METTL15: variants seen among roughly 807,000 people sequenced by gnomAD.
METTL15 encodes methyltransferase 15, mitochondrial 12S rRNA N4-cytidine.
Under a neutral mutation model 38.3 loss-of-function variants are expected in METTL15, and 34 were observed. The observed-to-expected ratio is 0.89, with a 90% confidence interval of 0.68 to 1.18. The LOEUF (loss-of-function observed/expected upper bound fraction) is 1.18, where lower values mean the gene tolerates loss of function less well. Among genes scored for constraint, METTL15 ranks in the 50% most tolerant of loss-of-function variants. The probability of loss-of-function intolerance (pLI) is 0.00; values close to 1 mark genes in which losing one functional copy is unlikely to be tolerated. For missense variants in METTL15, 438 were observed against 498.4 expected, an observed-to-expected ratio of 0.88 and a Z score of 1.15; for synonymous variants, 162 against 170.9, an observed-to-expected ratio of 0.95 and a Z score of 0.41.
intron 5 of METTL15, among the ~76,000 whole-genome samples, chr11:28,387,733 A>G (rs1850455187): frequency 6.6e-6 from 1 of 152,136 alleles, no homozygotes; most frequent in Non-Finnish European, 1.5e-5. Flanking sequence ...TCAGACAAAG[A>G]TGCTGTAAGA....
chr11:28,265,257 G>A (rs190424762), intron 4 of METTL15, among the ~76,000 whole-genome samples: 177 of 151,098 alleles, frequency 1.2e-3, no homozygotes, highest in African/African-American at 2.2e-3. Context: ...CACTTCTCCC[G>A]CCCTTTCTGC....
chr11:28,421,963 C>T (rs1850824631), intron 5 of METTL15, among the ~76,000 whole-genome samples: 1 of 151,924 alleles, frequency 6.6e-6, no homozygotes, highest in Admixed American at 6.6e-5. Flanking sequence ...CAAAAAACTA[C>T]TATTACTAAT....
At chr11:28,309,683 T>C (rs896204145) in intron 6 of METTL15, among the ~76,000 whole-genome samples, 1 of 152,178 alleles carries the variant, frequency 6.6e-6, no homozygotes, top group Non-Finnish European at 1.5e-5. Context: ...TCGTTTATTT[T>C]CTTTCTTGTA....
intron 3 of METTL15, among the ~76,000 whole-genome samples, chr11:28,346,072 T>C (rs1372122502): frequency 6.6e-6 from 1 of 152,244 alleles, no homozygotes; most frequent in Non-Finnish European, 1.5e-5. Context: ...GACACATCTT[T>C]AGCATGATTC....
chr11:28,367,301 A>G (rs1224717173), intron 5 of METTL15, among the ~76,000 whole-genome samples: 2 of 152,118 alleles, frequency 1.3e-5, no homozygotes, highest in Non-Finnish European at 2.9e-5. Context: ...ATGAGCTTCT[A>G]AAAAAGAAAC....
chr11:28,368,269 A>G (rs1850208461), intron 5 of METTL15, among the ~76,000 whole-genome samples: 1 of 152,140 alleles, frequency 6.6e-6, no homozygotes, highest in Non-Finnish European at 1.5e-5. Flanking sequence ...AAGGGCTAAT[A>G]TCCAGAACCT....
At chr11:28,186,756 G>A (rs1173951324) in intron 3 of METTL15, among the ~76,000 whole-genome samples, 2 of 150,816 alleles carry the variant, frequency 1.3e-5, no homozygotes, top group African/African-American at 2.4e-5. Context: ...AGCCACTATT[G>A]TAATATAACA....
At chr11:28,397,759 A>G (rs1850587086) in intron 5 of METTL15, among the ~76,000 whole-genome samples, 1 of 152,172 alleles carries the variant, frequency 6.6e-6, no homozygotes, top group Non-Finnish European at 1.5e-5. Context: ...AAAGTATTGT[A>G]AATCATGCTG....
intron 5 of METTL15, among the ~76,000 whole-genome samples, chr11:28,385,376 C>A (rs2133388262): frequency 6.6e-6 from 1 of 152,218 alleles, no homozygotes; most frequent in East Asian, 1.9e-4. Flanking sequence ...CTAGTTATCC[C>A]AGCACAATTT....
At chr11:28,231,862 T>C (rs1376254408) in intron 4 of METTL15, among the ~76,000 whole-genome samples, 1 of 151,906 alleles carries the variant, frequency 6.6e-6, no homozygotes. Context: ...TTGGTTTACT[T>C]CCATATATTA....
intron 4 of METTL15, among the ~76,000 whole-genome samples, chr11:28,283,164 C>T (rs1692083488): frequency 6.6e-6 from 1 of 152,068 alleles, no homozygotes; most frequent in Non-Finnish European, 1.5e-5. Context: ...GTTTTTCTTC[C>T]TGTGCTGTCT....
At chr11:28,337,510 C>G (rs966307541), downstream of METTL15, among the ~76,000 whole-genome samples, 1 of 152,008 alleles carries the variant, frequency 6.6e-6, no homozygotes, top group Non-Finnish European at 1.5e-5. Context: ...GTCACCACAC[C>G]CAGCCAGAAA....
chr11:28,261,756 C>T (rs762959903), intron 4 of METTL15, among the ~76,000 whole-genome samples: 10 of 152,066 alleles, frequency 6.6e-5, no homozygotes, highest in Non-Finnish European at 1.2e-4. Context: ...ATAATTACAT[C>T]CATTTCTCTG....
At chr11:28,327,188 G>A (rs1292385529) in intron 6 of METTL15, among the ~76,000 whole-genome samples, 3 of 152,152 alleles carry the variant, frequency 2.0e-5, no homozygotes, top group Non-Finnish European at 4.4e-5. Flanking sequence ...CTAAAGATGG[G>A]ACTTAGTGAG....
intron 3 of METTL15, among the ~76,000 whole-genome samples, chr11:28,175,409 C>T (rs1004660514): frequency 2.2e-4 from 33 of 152,184 alleles, no homozygotes; most frequent in African/African-American, 6.5e-4. Flanking sequence ...AATAAACATA[C>T]GTATGCATGT....
intron 5 of METTL15, among the ~76,000 whole-genome samples, chr11:28,294,648 A>G (rs1328529387): frequency 2.0e-5 from 3 of 152,088 alleles, no homozygotes; most frequent in Non-Finnish European, 4.4e-5. Flanking sequence ...TAAGTCAGTG[A>G]ACTCTGGAGG....
intron 3 of METTL15, among the ~76,000 whole-genome samples, chr11:28,176,776 A>C (rs897944295): frequency 3.3e-5 from 5 of 152,020 alleles, no homozygotes; most frequent in African/African-American, 1.2e-4. Context: ...GTTGCCTTAC[A>C]TGTAAAATGG....
intron 6 of METTL15, among the ~76,000 whole-genome samples, chr11:28,459,858 G>A (rs1851199752): frequency 6.6e-6 from 1 of 152,030 alleles, no homozygotes; most frequent in African/African-American, 2.4e-5. Flanking sequence ...TGGATCAGCT[G>A]TTTTTATGCT....
intron 6 of METTL15, among the ~76,000 whole-genome samples, chr11:28,505,739 A>G (rs982055603): frequency 6.6e-6 from 1 of 152,174 alleles, no homozygotes; most frequent in Non-Finnish European, 1.5e-5. Flanking sequence ...AGTATCTGCC[A>G]TCTTGAATTT....
Sources: allele counts gnomAD v4.1 joint callset (sites outside exome capture counted in the v4.1 genomes callset), GRCh38; gene constraint gnomAD v4.1.1; transcripts MANE v1.5; gene names NCBI Gene and HGNC (gene_info 2026-07-23, HGNC 2026-07-21).